Variants in SIMC1 observed in about 807,000 individuals in gnomAD.
The protein encoded by SIMC1 is SUMO-interacting motif-containing protein 1.
SIMC1 carries 55 observed loss-of-function variants against 82.3 expected under a neutral mutation model. The observed-to-expected ratio is 0.67, with a 90% CI of 0.54 to 0.84. The LOEUF (loss-of-function observed/expected upper bound fraction) is 0.84. Ranked by LOEUF, SIMC1 falls within the 40% of genes least tolerant of loss-of-function variation. The pLI is 0.00. For missense variants in SIMC1, 915 were observed against 1,107.2 expected (o/e 0.83, Z 2.46); for synonymous variants, 353 against 426.3 (o/e 0.83, Z 2.12).
At chr5:176,271,822 T>C (rs1454259525) in intron 1 of SIMC1, among the ~76,000 whole-genome samples, 1 of 148,658 alleles carries the variant, frequency 6.7e-6, no homozygotes, top group Admixed American at 6.8e-5. Flanking sequence ...CTCAAAATAT[T>C]CCTGTCTCAA....
At chr5:176,303,268 T>TA (rs200189307) in intron 4 of SIMC1, among the ~76,000 whole-genome samples, 1,690 of 126,632 alleles carry the variant, frequency 0.013, 32 homozygotes, top group African/African-American at 0.041. Context: ...ACTCTGTCTT[T>TA]AAAAAAAAAA....
chr5:176,274,893 T>C (rs146020766), intron 1 of SIMC1, among the ~76,000 whole-genome samples: 3,277 of 152,036 alleles, frequency 0.022, 92 homozygotes, highest in Middle Eastern at 0.068. Flanking sequence ...TGTAGTATAG[T>C]TTGAAGTCAG....
In SIMC1 at chr5:176,337,152, G is replaced by A; in HGVS notation, c.2413+6G>A. 1.2e-6 allele frequency: 2 copies of A among 1,613,178 alleles called. No homozygotes were observed. The highest frequency in any genetic ancestry group is 1.7e-6 in the Non-Finnish European group (2 of 1,179,238). ...TTATCAACATGTTTTAAGAGGTAAG[G>A]AGCATTTGTTCACAAGTGGAGTAGT... On this transcript the variant is annotated splice_donor_region_variant and intron_variant, in intron 9 of 9. Coordinates refer to ENST00000429602, the MANE Select transcript of SIMC1 (RefSeq NM_001308195.2).
intron 1 of SIMC1, among the ~76,000 whole-genome samples, chr5:176,281,754 A>T (rs1435166734): frequency 2.0e-5 from 3 of 152,066 alleles, no homozygotes; most frequent in African/African-American, 7.2e-5. Context: ...TTTTTCGTGA[A>T]CCGCGAATGC....
intron 1 of SIMC1, among the ~76,000 whole-genome samples, chr5:176,279,410 G>A (rs983436955): frequency 1.8e-4 from 28 of 151,790 alleles, no homozygotes; most frequent in African/African-American, 5.8e-4. Flanking sequence ...TTTGTTGATC[G>A]TTTCAAAAAA....
chr5:176,283,164 G>A (rs1177332560), intron 1 of SIMC1, among the ~76,000 whole-genome samples: 3 of 152,114 alleles, frequency 2.0e-5, no homozygotes, highest in African/African-American at 7.2e-5. Flanking sequence ...AATTCGGGAA[G>A]TATAGAGAAT....
At chr5:176,281,870 G>A (rs1446943874) in intron 1 of SIMC1, among the ~76,000 whole-genome samples, 1 of 152,216 alleles carries the variant, frequency 6.6e-6, no homozygotes, top group African/African-American at 2.4e-5. Context: ...GGCTGCTCAG[G>A]GGTCAGGGGT....
chr5:176,320,087 A>G (rs1479075165), intron 5 of SIMC1, among the ~76,000 whole-genome samples: 1 of 152,164 alleles, frequency 6.6e-6, no homozygotes. Flanking sequence ...TCTTACATGA[A>G]GGATAAAGAC....
chr5:176,290,760 T>C lies in SIMC1; in HGVS notation c.1236T>C (p.Ser412=). Residue 412 remains serine, a synonymous_variant, in exon 2 of 10, where the codon TCT becomes TCC. Coordinates refer to ENST00000429602, the MANE Select transcript of SIMC1 (RefSeq NM_001308195.2). ...CCTTAGAGAAAGTTCCTTGGCTCTCTGTCATGGAAACCCCAGCCAGAAAAG... is the reference window on the plus strand; with the variant it reads ...CCTTAGAGAAAGTTCCTTGGCTCTCCGTCATGGAAACCCCAGCCAGAAAAG... ...ETPLEKVPWL[S]VMETPARKEI... is the part of the protein sequence containing the mutation. 6.2e-7 allele frequency: 1 copy of C among 1,612,846 alleles called. No homozygotes were observed. The highest frequency in any genetic ancestry group is 1.1e-5 in the South Asian group (1 of 90,900).
Position 176,283,702 on chromosome 5 carries a change from A to G in SIMC1, c.130-5952A>G, listed in dbSNP as rs546964827. Among the ~76,000 whole-genome samples, 158 of 152,288 alleles carry G rather than the reference A, an allele frequency of 1.0e-3. 1 individual carries two copies. The highest frequency in any genetic ancestry group is 3.6e-3 in the African/African-American group (149 of 41,556). On this transcript the variant is annotated intron_variant, in intron 1 of 9. Transcript: ENST00000429602. ...TTAACCTTAAATGTAGATGTGCCCA[A>G]TGCTCCAATTAAAAGACACAGACTG...
At chr5:176,314,262 A>G (rs962841233) in intron 5 of SIMC1, among the ~76,000 whole-genome samples, 4 of 152,040 alleles carry the variant, frequency 2.6e-5, no homozygotes, top group African/African-American at 9.7e-5. Flanking sequence ...GCAAGACTCC[A>G]TCTCAAAAAT....
chr5:176,260,822 C>T (rs1761988850), intron 1 of SIMC1, among the ~76,000 whole-genome samples: 1 of 152,058 alleles, frequency 6.6e-6, no homozygotes, highest in African/African-American at 2.4e-5. Flanking sequence ...GCAGAAATGG[C>T]AGATGCGCAG....
chr5:176,279,146 C>T (rs1405381530), intron 1 of SIMC1, among the ~76,000 whole-genome samples: 1 of 152,162 alleles, frequency 6.6e-6, no homozygotes, highest in African/African-American at 2.4e-5. Context: ...TTGGTCTATT[C>T]AGAGATTCAA....
rs1272944820 is a variant in SIMC1 at position 176,305,094 on chromosome 5, T to TG, written c.1735-8591dup. Among the ~76,000 whole-genome samples, 447 of 106,630 alleles carry TG rather than the reference T, an allele frequency of 4.2e-3. 4 individuals carry two copies. The highest frequency in any genetic ancestry group is 0.017 in the African/African-American group (411 of 24,718). The allele number at this position is 106,630 out of a possible 152,430, so 70.0% of individuals were successfully genotyped here. On this transcript the variant is annotated intron_variant, in intron 4 of 9. Transcript: ENST00000429602. ...GCAGCCACCCCGTCCGGGAGGGAGGTGGGGGGTCAGCCCCGACGCCCGGCC... is the reference window on the plus strand; with the variant it reads ...GCAGCCACCCCGTCCGGGAGGGAGGTGGGGGGGTCAGCCCCGACGCCCGGCC...
At chr5:176,308,040 T>G in intron 4 of SIMC1, 1 of 692,070 alleles carries the variant, frequency 1.4e-6, no homozygotes, top group East Asian at 2.7e-5. Flanking sequence ...ATTTAGTAAT[T>G]AAAAGCAATG....
At chr5:176,277,032 C>T (rs889005902) in intron 1 of SIMC1, among the ~76,000 whole-genome samples, 5 of 151,132 alleles carry the variant, frequency 3.3e-5, no homozygotes, top group African/African-American at 1.2e-4. Context: ...CACTGACTTC[C>T]ACAATGGTTG....
At chr5:176,292,833 G>C (rs765940598) in intron 2 of SIMC1, among the ~76,000 whole-genome samples, 3 of 152,124 alleles carry the variant, frequency 2.0e-5, no homozygotes, top group African/African-American at 7.2e-5. Flanking sequence ...GAGCCACCGC[G>C]CCCGGCCCAG....
At chr5:176,343,905 CA>C (rs1257707081) in intron 9 of SIMC1, among the ~76,000 whole-genome samples, 1 of 151,976 alleles carries the variant, frequency 6.6e-6, no homozygotes, top group Non-Finnish European at 1.5e-5. Flanking sequence ...GCAATTCTCC[CA>C]CCCTCAGGCT....
intron 1 of SIMC1, among the ~76,000 whole-genome samples, chr5:176,284,852 A>G (rs200832766): frequency 6.6e-6 from 1 of 152,252 alleles, no homozygotes; most frequent in Non-Finnish European, 1.5e-5. Flanking sequence ...AAAATCTAGA[A>G]GAAATGGATA....
Sources: gnomAD v4.1 joint callset for allele counts (sites outside exome capture counted in the v4.1 genomes callset) on GRCh38, gnomAD v4.1.1 for gene constraint, MANE v1.5 for transcripts, NCBI Gene and HGNC (gene_info 2026-07-23, HGNC 2026-07-21) for gene names.